NDFIP2: variants seen among roughly 807,000 people sequenced by gnomAD.
NDFIP2 encodes the protein Nedd4 family interacting protein 2.
NDFIP2 carries 19 observed loss-of-function variants against 36.0 expected under a neutral mutation model. The observed-to-expected ratio is 0.53, with a 90% confidence interval of 0.37 to 0.77. The LOEUF (loss-of-function observed/expected upper bound fraction) is 0.77, where lower values mean the gene tolerates loss of function less well. Ranked by LOEUF, NDFIP2 falls within the 30% of genes least tolerant of loss-of-function variation. NDFIP2 has a pLI of 0.00. For synonymous variants in NDFIP2, 181 were observed against 167.7 expected (o/e 1.08, Z -0.61); for missense variants, 446 against 435.8 (o/e 1.02, Z -0.21).
intron 1 of NDFIP2, among the ~76,000 whole-genome samples, chr13:79,518,632 T>G (rs1350646728): frequency 6.6e-6 from 1 of 152,218 alleles, no homozygotes; most frequent in Non-Finnish European, 1.5e-5. Context: ...TAGTATTTGT[T>G]AAATCCTTCA....
chr13:79,545,360 C>T (rs1875627462), intron 5 of NDFIP2, among the ~76,000 whole-genome samples: 1 of 152,124 alleles, frequency 6.6e-6, no homozygotes, highest in African/African-American at 2.4e-5. Context: ...CTAGTTATCA[C>T]CTCTAGTTGA....
chr13:79,505,853 A>G (rs1380687301), intron 1 of NDFIP2, among the ~76,000 whole-genome samples: 1 of 152,118 alleles, frequency 6.6e-6, no homozygotes, highest in Non-Finnish European at 1.5e-5. Context: ...TTAGAAAATC[A>G]TCACCTTAAA....
At chr13:79,486,020 A>T (rs543485582) in intron 1 of NDFIP2, among the ~76,000 whole-genome samples, 1 of 152,314 alleles carries the variant, frequency 6.6e-6, no homozygotes, top group Admixed American at 6.5e-5. Context: ...CTTTTTGAAC[A>T]CCACATGATA....
At chr13:79,521,026 T>C (rs1874558093) in intron 2 of NDFIP2, 51 bp downstream of exon 2, 1 of 1,474,410 alleles carries the variant, frequency 6.8e-7, no homozygotes, top group South Asian at 1.3e-5. Flanking sequence ...TTTTTGACAT[T>C]TTGGTTTTGT....
chr13:79,500,119 A>G (rs775650021), intron 1 of NDFIP2, among the ~76,000 whole-genome samples: 50 of 151,830 alleles, frequency 3.3e-4, no homozygotes, highest in Non-Finnish European at 6.5e-4. Flanking sequence ...CAGTAAAGCA[A>G]AGATAGTCTT....
At position 79,496,282 on chromosome 13, in the gene NDFIP2, G is replaced by A. The variant is rs1486364357; in HGVS notation, c.321+14758G>A. On this transcript the variant is annotated intron_variant, in intron 1 of 7. Coordinates refer to ENST00000218652, the MANE Select transcript of NDFIP2 (RefSeq NM_019080.3). ...CTTAATCTGAAAATGTCTTTATTTT[G>A]CCTCAATTCCTTAAGTGTCTAGATA... is the stretch of plus-strand genomic sequence containing the variant. Among the ~76,000 whole-genome samples, 5 of 151,864 alleles carry A rather than the reference G, an allele frequency of 3.3e-5. No individual in the cohort carries two copies. In the East Asian group the frequency reaches 7.7e-4, roughly 23 times the overall value.
At chr13:79,513,249 A>G (rs1399662577) in intron 1 of NDFIP2, among the ~76,000 whole-genome samples, 3 of 152,164 alleles carry the variant, frequency 2.0e-5, no homozygotes, top group African/African-American at 4.8e-5. Flanking sequence ...TTACAATGAA[A>G]GAGTTATGGA....
intron 4 of NDFIP2, among the ~76,000 whole-genome samples, chr13:79,541,655 A>C (rs1441276030): frequency 6.6e-6 from 1 of 151,984 alleles, no homozygotes; most frequent in Non-Finnish European, 1.5e-5. Context: ...TTCAAATTGC[A>C]ACTTGCTATA....
chr13:79,531,651 A>G (rs1337059182), intron 2 of NDFIP2, among the ~76,000 whole-genome samples: 1 of 152,004 alleles, frequency 6.6e-6, no homozygotes, highest in African/African-American at 2.4e-5. Context: ...TTATAAACCA[A>G]CCTCTGCCAG....
chr13:79,522,337 T>G (rs1874618883), intron 2 of NDFIP2, among the ~76,000 whole-genome samples: 1 of 152,174 alleles, frequency 6.6e-6, no homozygotes, highest in African/African-American at 2.4e-5. Context: ...CTTTGCTACC[T>G]TAGATTAAAA....
intron 1 of NDFIP2, among the ~76,000 whole-genome samples, chr13:79,502,561 G>T (rs1232933362): frequency 2.6e-5 from 4 of 151,952 alleles, no homozygotes; most frequent in African/African-American, 9.7e-5. Context: ...GAAGATAGAG[G>T]GAAAATCAGG....
In NDFIP2 at chr13:79,520,841, C is replaced by T. The variant is rs1239788363; in HGVS notation, c.353C>T (p.Ser118Leu). 31 of 1,612,998 alleles carry T rather than the reference C, an allele frequency of 1.9e-5. No individual in the cohort carries two copies. Among genetic ancestry groups the T allele is most frequent in the East Asian group, 6.7e-5 (3 of 44,866 alleles). ...AATGAAGAGGATAACTCAGAATCATCGGCTATAGAGCAGCCACCTACTTCA... is the reference window on the plus strand; with the variant it reads ...AATGAAGAGGATAACTCAGAATCATTGGCTATAGAGCAGCCACCTACTTCA... ...LLNEEDNSES[S>L]AIEQPPTSNP... The change falls in exon 2 of 8, where the codon TCG (serine) becomes TTG (leucine). Residue 118 changes from serine to leucine, a missense_variant. Ser to Leu is a moderately radical substitution (Grantham distance 145). Around this residue, in one of 2 missense-constraint regions of NDFIP2, gnomAD observed 369 missense variants for 304.8 expected, o/e 1.21. Coordinates refer to ENST00000218652, the MANE Select transcript of NDFIP2 (RefSeq NM_019080.3).
intron 1 of NDFIP2, among the ~76,000 whole-genome samples, chr13:79,520,256 A>G (rs532677735): frequency 2.0e-4 from 30 of 152,334 alleles, no homozygotes; most frequent in African/African-American, 7.2e-4. Flanking sequence ...AAGTAGGAAG[A>G]GATGGTAGTA....
chr13:79,489,382 T>G (rs1318477820), intron 1 of NDFIP2, among the ~76,000 whole-genome samples: 1 of 152,242 alleles, frequency 6.6e-6, no homozygotes, highest in African/African-American at 2.4e-5. Flanking sequence ...CTGCCATTCT[T>G]AAGGCCTGGG....
At chr13:79,534,350 G>GTTTTTTTTTTTTTTTTTTTTTTTTTTT (rs532659161) in intron 3 of NDFIP2, among the ~76,000 whole-genome samples, 1 of 95,416 alleles carries the variant, frequency 1.0e-5, no homozygotes, top group Non-Finnish European at 1.9e-5. Flanking sequence ...TTTGTCAGCT[G>GTTTTTTTTTTTTTTTTTTTTTTTTTTT]TTTTTTTTTT....
chr13:79,519,543 T>A (rs77796609), intron 1 of NDFIP2, among the ~76,000 whole-genome samples: 2,393 of 152,328 alleles, frequency 0.016, 40 homozygotes, highest in African/African-American at 0.053. Context: ...CTACTCTTTC[T>A]TACTGTTGTG....
At chr13:79,483,345 C>G (rs2079826576) in intron 1 of NDFIP2, among the ~76,000 whole-genome samples, 1 of 152,026 alleles carries the variant, frequency 6.6e-6, no homozygotes, top group Non-Finnish European at 1.5e-5. Flanking sequence ...TCTAGTATAA[C>G]TCTTGGTTTT....
intron 3 of NDFIP2, among the ~76,000 whole-genome samples, chr13:79,533,838 G>A (rs73553423): frequency 0.044 from 6,761 of 152,216 alleles, 523 homozygotes; most frequent in African/African-American, 0.16. Flanking sequence ...GGGGAAGTCA[G>A]AGTTATACTC....
At chr13:79,518,268 C>T (rs536895039) in intron 1 of NDFIP2, among the ~76,000 whole-genome samples, 133 of 152,182 alleles carry the variant, frequency 8.7e-4, no homozygotes, top group Non-Finnish European at 1.6e-3. Flanking sequence ...AATTCACTTA[C>T]GATTATTTGG....
Sources: allele counts gnomAD v4.1 joint callset (sites outside exome capture counted in the v4.1 genomes callset), GRCh38; gene constraint gnomAD v4.1.1; regional missense constraint gnomAD v4.1.1; transcripts MANE v1.5; gene names NCBI Gene and HGNC (gene_info 2026-07-23, HGNC 2026-07-21).